Variants in TTI1 observed in about 807,000 individuals in gnomAD.
The protein encoded by TTI1 is TELO2 interacting protein 1.
A neutral mutation model predicts 85.4 loss-of-function variants in TTI1; 52 were observed. The ratio of observed to expected loss-of-function variants is 0.61; its 90% CI spans 0.49 to 0.77. TTI1 has a LOEUF of 0.77. TTI1 is among the 30% of genes least tolerant of loss of function. TTI1 has a pLI of 0.00. For missense variants in TTI1, 1,173 were observed against 1,296.0 expected, an observed-to-expected ratio of 0.91 and a Z score of 1.46; for synonymous variants, 512 against 503.9, an observed-to-expected ratio of 1.02 and a Z score of -0.22.
In TTI1 at chr20:38,011,591, C is replaced by T; in HGVS notation, c.2226G>A (p.Leu742=). ...TATCGTAAAATTGGTCCAGGGTGGCCAAGACATCTTGAACCACATCTGCCA... is the reference window on the plus strand; with the variant it reads ...TATCGTAAAATTGGTCCAGGGTGGCTAAGACATCTTGAACCACATCTGCCA... ...PLVADVVQDV[L]ATLDQFYDKR... is the part of the protein sequence containing the mutation. Residue 742 remains leucine (L), a synonymous_variant, in exon 2 of 8, where the codon TTG becomes TTA. Coordinates refer to ENST00000373447, the MANE Select transcript of TTI1 (RefSeq NM_001303457.2). 6.2e-7 allele frequency: 1 copy of T among 1,614,178 alleles called. No homozygotes were observed. Among genetic ancestry groups the T allele is most frequent in the Non-Finnish European group, 8.5e-7 (1 of 1,180,026 alleles).
At chr20:37,999,994 G>C (rs2122526389) in intron 4 of TTI1, among the ~76,000 whole-genome samples, 1 of 152,330 alleles carries the variant, frequency 6.6e-6, no homozygotes, top group South Asian at 2.1e-4. Flanking sequence ...CTTGAAGGGT[G>C]ACAGAGAAAC....
At chr20:38,006,716 G>A (rs1438306669) in intron 2 of TTI1, among the ~76,000 whole-genome samples, 1 of 152,128 alleles carries the variant, frequency 6.6e-6, no homozygotes, top group Non-Finnish European at 1.5e-5. Flanking sequence ...GCCCTCCCTT[G>A]ACTCCCCTGT....
chr20:38,027,418 T>G (rs1214603899), intron 1 of TTI1, among the ~76,000 whole-genome samples: 1 of 152,160 alleles, frequency 6.6e-6, no homozygotes, highest in African/African-American at 2.4e-5. Flanking sequence ...AGTTGACCCT[T>G]GAACAATGTG....
chr20:38,019,697 G>A (rs1205184582), intron 1 of TTI1, among the ~76,000 whole-genome samples: 1 of 152,240 alleles, frequency 6.6e-6, no homozygotes. Context: ...GAAGTCTGAA[G>A]TACAACTAAA....
intron 5 of TTI1, among the ~76,000 whole-genome samples, chr20:37,998,761 T>C (rs1332087497): frequency 6.6e-6 from 1 of 152,222 alleles, no homozygotes; most frequent in Non-Finnish European, 1.5e-5. Flanking sequence ...TGCCCACTGC[T>C]AGAACCTCAG....
chr20:38,011,936 T>C lies in TTI1; in HGVS notation c.1881A>G (p.Ile627Met), dbSNP rs2073598757. The C allele has an allele frequency of 1.9e-6, 3 of 1,614,254 alleles. No individual in the cohort carries two copies. Among genetic ancestry groups the C allele is most frequent in the East Asian group, 4.5e-5 (2 of 44,896 alleles). Residue 627 changes from isoleucine to methionine, a missense_variant, in exon 2 of 8, where the codon ATA (isoleucine) becomes ATG (methionine). Coordinates refer to ENST00000373447, the MANE Select transcript of TTI1 (RefSeq NM_001303457.2). ...GGCCAATTCCTTCCAACTGAATGCA[T>C]ATTTGCCAGATGTTACTGTTCATGG... ...ICSMNSNIWQICIQLEGIGQF... is the reference protein window; with the variant it reads ...ICSMNSNIWQMCIQLEGIGQF...
chr20:38,008,991 T>TA (rs984304035), intron 2 of TTI1, among the ~76,000 whole-genome samples: 2 of 151,642 alleles, frequency 1.3e-5, no homozygotes, highest in African/African-American at 2.4e-5. Context: ...TTTTTTTTTT[T>TA]AAAAGCACTA....
At chr20:38,004,131 T>G (rs1288521120) in intron 3 of TTI1, among the ~76,000 whole-genome samples, 1 of 152,188 alleles carries the variant, frequency 6.6e-6, no homozygotes, top group East Asian at 1.9e-4. Context: ...CTGAGAGCAT[T>G]AAATGAGATA....
intron 2 of TTI1, 101 bp from the exon 3 acceptor site, chr20:38,006,498 C>T (rs2122557107): frequency 7.6e-7 from 1 of 1,322,266 alleles, no homozygotes. Flanking sequence ...ACAGCCCCCA[C>T]ATGATTCAGT....
At chr20:38,028,042 G>T (rs1185614177) in intron 1 of TTI1, among the ~76,000 whole-genome samples, 1 of 152,188 alleles carries the variant, frequency 6.6e-6, no homozygotes, top group Admixed American at 6.6e-5. Context: ...GAGGAGGTGG[G>T]TTGGCAGAAG....
intron 4 of TTI1, among the ~76,000 whole-genome samples, chr20:38,002,007 G>T (rs1442199119): frequency 1.3e-5 from 2 of 152,096 alleles, no homozygotes; most frequent in Non-Finnish European, 2.9e-5. Flanking sequence ...GTGAGCCACC[G>T]CGCCTGGCCG....
At chr20:37,993,934 G>A (rs1252414221) in intron 7 of TTI1, among the ~76,000 whole-genome samples, 2 of 152,224 alleles carry the variant, frequency 1.3e-5, no homozygotes, top group Non-Finnish European at 2.9e-5. Flanking sequence ...TGTTGTTCTG[G>A]TGGGAGATGA....
chr20:38,013,599 C>T lies in TTI1; in HGVS notation c.218G>A (p.Ser73Asn). ...GACAAATGTGAGGCATTCCACCACA[C>T]TTTGGATCAAACGCTCTCTTTTGGG... The part of the protein sequence containing the change: ...PGPKRERLIQ[S>N]VVECLTFVLS... Residue 73 changes from serine to asparagine, a missense_variant, in exon 2 of 8, where the codon AGT becomes AAT. Transcript: ENST00000373447. 6.2e-7 allele frequency: 1 copy of T among 1,614,226 alleles called. No individual in the cohort carries two copies.
rs570399279 is a variant in TTI1 at position 38,014,592 on chromosome 20, G to GA, written c.-41-736dup. Among the ~76,000 whole-genome samples, 14 of 152,272 alleles carry GA rather than the reference G, an allele frequency of 9.2e-5. No individual in the cohort carries two copies. In the East Asian group the frequency reaches 1.9e-3, roughly 21 times the overall value. ...GGTGAGACTGACAGCAACATAAAGC[G>GA]AAAGGGGGTACCCAGAGAGATGGGA... On this transcript the variant is annotated intron_variant, in intron 1 of 7. Coordinates refer to ENST00000373447, the MANE Select transcript of TTI1 (RefSeq NM_001303457.2).
chr20:38,003,744 C>T (rs948652017), intron 3 of TTI1, among the ~76,000 whole-genome samples: 1 of 143,534 alleles, frequency 7.0e-6, no homozygotes, highest in African/African-American at 2.5e-5. Flanking sequence ...AACAGCAAAA[C>T]TCTGTCTCAA....
chr20:38,016,698 T>A (rs1022028144), intron 1 of TTI1, among the ~76,000 whole-genome samples: 6 of 152,264 alleles, frequency 3.9e-5, no homozygotes, highest in African/African-American at 1.4e-4. Context: ...ATGTGTTTCA[T>A]ATTGGGTCAA....
rs73905526 is a variant in TTI1, at chr20:38,031,438, T to C, written c.-42+1966A>G. Among the ~76,000 whole-genome samples, 365 of 152,354 alleles carry C rather than the reference T, an allele frequency of 2.4e-3. 1 individual carries two copies. The highest frequency in any genetic ancestry group is 8.3e-3 in the African/African-American group (345 of 41,576). On this transcript the variant is annotated intron_variant, in intron 1 of 7. Transcript: ENST00000373447. Reference sequence around the variant, plus strand: ...TCCCTCTTCCTGGAACAATGGCATATGGCTTGTCTCTCAAATGACATCTTA... The same window carrying C: ...TCCCTCTTCCTGGAACAATGGCATACGGCTTGTCTCTCAAATGACATCTTA...
intron 4 of TTI1, among the ~76,000 whole-genome samples, chr20:38,002,125 C>T (rs149222289): frequency 6.6e-6 from 1 of 152,078 alleles, no homozygotes; most frequent in Non-Finnish European, 1.5e-5. Context: ...CCACTTCTAC[C>T]CCACCCCACT....
At chr20:38,011,133 C>T (rs1434570842) in intron 2 of TTI1, among the ~76,000 whole-genome samples, 1 of 152,186 alleles carries the variant, frequency 6.6e-6, no homozygotes, top group East Asian at 1.9e-4. Flanking sequence ...TAACTCTATG[C>T]ATCATCAGAA....
Sources: allele counts gnomAD v4.1 joint callset (sites outside exome capture counted in the v4.1 genomes callset), GRCh38; gene constraint gnomAD v4.1.1; transcripts MANE v1.5; gene names NCBI Gene and HGNC (gene_info 2026-07-23, HGNC 2026-07-21).